The following ATP6V0D2 variants were observed in gnomAD, a reference collection of about 807,000 sequenced individuals.
ATP6V0D2 encodes V-type proton ATPase subunit d 2.
A neutral mutation model predicts 40.0 loss-of-function variants in ATP6V0D2; 40 were observed. That is an observed-to-expected ratio of 1.00 (90% CI 0.78 to 1.30). The LOEUF (loss-of-function observed/expected upper bound fraction) is 1.30, where lower values mean the gene tolerates loss of function less well. Ranked by LOEUF, ATP6V0D2 falls within the 50% of genes most tolerant of loss-of-function variation. ATP6V0D2 has a pLI of 0.00. For synonymous variants in ATP6V0D2, 179 were observed against 156.3 expected (o/e 1.15, Z -1.08); for missense variants, 470 against 423.1 (o/e 1.11, Z -0.97).
At chr8:86,128,430 T>C (rs1398489603) in intron 2 of ATP6V0D2, among the ~76,000 whole-genome samples, 1 of 152,208 alleles carries the variant, frequency 6.6e-6, no homozygotes, top group Non-Finnish European at 1.5e-5. Flanking sequence ...TCACAATGTG[T>C]GTACACAGTG....
chr8:86,112,400 C>T (rs1474756299), intron 1 of ATP6V0D2, among the ~76,000 whole-genome samples: 2 of 152,138 alleles, frequency 1.3e-5, no homozygotes, highest in Non-Finnish European at 2.9e-5. Context: ...CACAGTTTAT[C>T]TACGTGAGAT....
At chr8:86,114,630 A>C (rs550546746) in intron 2 of ATP6V0D2, among the ~76,000 whole-genome samples, 1 of 152,350 alleles carries the variant, frequency 6.6e-6, no homozygotes, top group African/African-American at 2.4e-5. Flanking sequence ...AGATTGTGCC[A>C]CTGCACTCCA....
chr8:86,151,691 A>G, intron 7 of ATP6V0D2, 151 bp downstream of exon 7: 2 of 607,018 alleles, frequency 3.3e-6, no homozygotes, highest in South Asian at 4.6e-5. Context: ...TATTGCTACA[A>G]AGTTACACAC....
At chr8:86,113,998 G>A in intron 2 of ATP6V0D2, 118 bp downstream of exon 2, 1 of 971,248 alleles carries the variant, frequency 1.0e-6, no homozygotes, top group Non-Finnish European at 1.4e-6. Flanking sequence ...TTGTTTGTAA[G>A]TTTAAATTCA....
At chr8:86,152,359 T>C (rs1259040584) in intron 7 of ATP6V0D2, among the ~76,000 whole-genome samples, 4 of 152,188 alleles carry the variant, frequency 2.6e-5, no homozygotes, top group African/African-American at 7.2e-5. Flanking sequence ...GTCTTTGCTA[T>C]TGGGAAAAGT....
At chr8:86,151,003 C>A (rs1358478575) in intron 6 of ATP6V0D2, among the ~76,000 whole-genome samples, 2 of 152,202 alleles carry the variant, frequency 1.3e-5, no homozygotes, top group Non-Finnish European at 2.9e-5. Flanking sequence ...CTTGTGACAT[C>A]TCATATGTAA....
chr8:86,137,829 G>T (rs1228645117), intron 2 of ATP6V0D2, among the ~76,000 whole-genome samples: 2 of 152,088 alleles, frequency 1.3e-5, no homozygotes, highest in Non-Finnish European at 2.9e-5. Flanking sequence ...TGTCATCATG[G>T]GTTGTATTTT....
chr8:86,138,026 A>T (rs1203954873), intron 2 of ATP6V0D2, among the ~76,000 whole-genome samples: 1 of 152,160 alleles, frequency 6.6e-6, no homozygotes, highest in Non-Finnish European at 1.5e-5. Flanking sequence ...GTGTAAGGGC[A>T]GTCAGTATCC....
intron 5 of ATP6V0D2, among the ~76,000 whole-genome samples, chr8:86,148,474 A>G (rs1044753945): frequency 2.0e-5 from 3 of 152,158 alleles, no homozygotes; most frequent in Admixed American, 2.0e-4. Context: ...TTATAGGTTA[A>G]CCAGTCAAAA....
chr8:86,150,230 G>A lies in ATP6V0D2; in HGVS notation c.758G>A (p.Arg253Gln), dbSNP rs549611957. 20 of 1,613,110 alleles carry A rather than the reference G, an allele frequency of 1.2e-5. No individual in the cohort carries two copies. The highest frequency in any genetic ancestry group is 5.4e-5 in the African/African-American group (4 of 74,750). ...TFGKLYPEGL[R>Q]LLAQAEDFDQ... Reference sequence around the variant, plus strand: ...GGCAAACTCTATCCTGAGGGGTTGCGGCTGTTGGCTCAAGCAGAAGACTTT... The same window carrying A: ...GGCAAACTCTATCCTGAGGGGTTGCAGCTGTTGGCTCAAGCAGAAGACTTT... Residue 253 changes from arginine to glutamine, a missense_variant, in exon 6 of 8, where the codon CGG (arginine) becomes CAG (glutamine). Physicochemically the swap from Arg to Gln is conservative, Grantham distance 43. Transcript: ENST00000285393.
chr8:86,142,827 A>G (rs1474109728), intron 4 of ATP6V0D2, 50 bp from the exon 5 acceptor site: 4 of 1,223,442 alleles, frequency 3.3e-6, no homozygotes, highest in Admixed American at 2.0e-5. Flanking sequence ...GACATTTTCA[A>G]AAGGAATATA....
At position 86,152,110 on chromosome 8, in the gene ATP6V0D2, C is replaced by T. The variant is rs201785433; in HGVS notation, c.891+570C>T. Among the ~76,000 whole-genome samples the T allele has an allele frequency of 5.3e-5, 8 of 151,602 alleles. No homozygotes were observed. In the East Asian group the frequency reaches 1.6e-3, roughly 29 times the overall value. On this transcript the variant is annotated intron_variant, in intron 7 of 7. Transcript: ENST00000285393. The stretch of plus-strand genomic sequence containing the variant: ...CCGACAGGCCCCAGTGTGTGATGTT[C>T]CCCTCCCTGTGCTCATATGTTTTCA...
intron 2 of ATP6V0D2, among the ~76,000 whole-genome samples, chr8:86,135,434 G>A (rs1156863985): frequency 6.6e-6 from 1 of 152,142 alleles, no homozygotes; most frequent in Non-Finnish European, 1.5e-5. Flanking sequence ...GAACCTACTA[G>A]GGAGCCAGCA....
chr8:86,134,959 TA>T (rs1296058629), intron 2 of ATP6V0D2, among the ~76,000 whole-genome samples: 1 of 152,030 alleles, frequency 6.6e-6, no homozygotes, highest in African/African-American at 2.4e-5. Context: ...TGCTGCCAGT[TA>T]TATATTATTC....
At chr8:86,139,320 G>A (rs1460772060) in intron 2 of ATP6V0D2, 137 bp from the exon 3 acceptor site, 1 of 613,322 alleles carries the variant, frequency 1.6e-6, no homozygotes. Flanking sequence ...CTAAACCCCA[G>A]TGTTTAAAAT....
intron 2 of ATP6V0D2, among the ~76,000 whole-genome samples, chr8:86,126,254 A>ATATATATATATATATATATATATATATG (rs1322130918): frequency 2.2e-5 from 3 of 133,696 alleles, no homozygotes; most frequent in Non-Finnish European, 4.8e-5. Flanking sequence ...ATATATATAT[A>ATATATATATATATATATATATATATATG]TATATATATC....
At chr8:86,116,585 A>G (rs560534193) in intron 2 of ATP6V0D2, among the ~76,000 whole-genome samples, 90 of 152,324 alleles carry the variant, frequency 5.9e-4, no homozygotes, top group Non-Finnish European at 1.0e-3. Flanking sequence ...ATTGACAAGT[A>G]GCTAAATTAT....
intron 1 of ATP6V0D2, among the ~76,000 whole-genome samples, chr8:86,101,390 G>T (rs1044712435): frequency 7.1e-6 from 1 of 141,822 alleles, no homozygotes; most frequent in Non-Finnish European, 1.5e-5. Context: ...AGCCCAAAAG[G>T]TTGAAGCTGC....
intron 2 of ATP6V0D2, among the ~76,000 whole-genome samples, chr8:86,123,636 G>A (rs1818702131): frequency 6.6e-6 from 1 of 152,128 alleles, no homozygotes; most frequent in African/African-American, 2.4e-5. Context: ...ATGAGGGAAA[G>A]CAGACAATAA....
Sources: gnomAD v4.1 joint callset for allele counts (sites outside exome capture counted in the v4.1 genomes callset) on GRCh38, gnomAD v4.1.1 for gene constraint, MANE v1.5 for transcripts, NCBI Gene and HGNC (gene_info 2026-07-23, HGNC 2026-07-21) for gene names.